Variants in PRKCE observed in about 807,000 individuals in gnomAD.
The protein encoded by PRKCE is protein kinase C epsilon, also known as protein kinase C epsilon type.
In PRKCE, 16 loss-of-function variants were observed where a neutral mutation model predicts 85.4. That is an observed-to-expected ratio of 0.19 (90% CI 0.13 to 0.28). PRKCE has a LOEUF of 0.28. Ranked by LOEUF, PRKCE falls within the 10% of genes least tolerant of loss-of-function variation. PRKCE has a pLI of 1.00. For missense variants in PRKCE, 573 were observed against 975.2 expected, an observed-to-expected ratio of 0.59 and a Z score of 5.49; for synonymous variants, 388 against 371.5, an observed-to-expected ratio of 1.04 and a Z score of -0.51.
chr2:45,800,176 G>A (rs1478280772), intron 1 of PRKCE, among the ~76,000 whole-genome samples: 1 of 152,254 alleles, frequency 6.6e-6, no homozygotes, highest in Non-Finnish European at 1.5e-5. Context: ...GTGTGTTAAA[G>A]CAAAGGCATG....
At chr2:46,078,345 G>C (rs376916465) in intron 10 of PRKCE, 1 of 149,954 alleles carries the variant, frequency 6.7e-6, no homozygotes, top group African/African-American at 2.5e-5. Context: ...AAACCAACCC[G>C]GGCAACATAG....
intron 10 of PRKCE, among the ~76,000 whole-genome samples, chr2:46,016,213 G>A (rs111519517): frequency 3.0e-4 from 46 of 152,294 alleles, no homozygotes; most frequent in African/African-American, 1.1e-3. Context: ...CACCTATGGT[G>A]TGCAAATCAC....
chr2:46,168,149 T>C (rs1320136258), intron 14 of PRKCE, among the ~76,000 whole-genome samples: 1 of 152,116 alleles, frequency 6.6e-6, no homozygotes, highest in African/African-American at 2.4e-5. Flanking sequence ...GGGAAGAGTG[T>C]GAGGCCTGGG....
At chr2:45,953,104 CCCCGGATTA>C (rs1463957019) in intron 2 of PRKCE, among the ~76,000 whole-genome samples, 2 of 152,164 alleles carry the variant, frequency 1.3e-5, no homozygotes, top group Non-Finnish European at 2.9e-5. Context: ...TTAGCATTTG[CCCCGGATTA>C]CCTGGGAGGT....
rs960514872 is a variant in PRKCE, at chr2:45,883,655, G to C, written c.412+40592G>C. Among the ~76,000 whole-genome samples, 4 of 152,158 alleles carry C rather than the reference G, an allele frequency of 2.6e-5. No homozygotes were observed. The East Asian group carries it at 7.7e-4, about 29-fold the overall frequency. ...TTTATCATGCCTGTGTGGAGAGTGAGTCTGCACAACTACCATGCCATGCTA... is the reference window on the plus strand; with the variant it reads ...TTTATCATGCCTGTGTGGAGAGTGACTCTGCACAACTACCATGCCATGCTA... On this transcript the variant is annotated intron_variant, in intron 2 of 14. Transcript: ENST00000306156.
chr2:45,983,146 C>T (rs1400342602), intron 5 of PRKCE, among the ~76,000 whole-genome samples: 1 of 152,232 alleles, frequency 6.6e-6, no homozygotes, highest in African/African-American at 2.4e-5. Flanking sequence ...GGTAGACCAT[C>T]CATTTCAGTA....
intron 1 of PRKCE, among the ~76,000 whole-genome samples, chr2:45,695,004 C>T (rs10187179): frequency 0.11 from 16,019 of 152,178 alleles, 941 homozygotes; most frequent in East Asian, 0.14. Flanking sequence ...GAGCCAACTG[C>T]CTCATGTAAG....
At chr2:45,787,524 T>C (rs1440693137) in intron 1 of PRKCE, among the ~76,000 whole-genome samples, 2 of 152,126 alleles carry the variant, frequency 1.3e-5, no homozygotes, top group Non-Finnish European at 2.9e-5. Flanking sequence ...GCAGGTCTTT[T>C]CCAGATGGTT....
At chr2:45,869,833 G>T (rs576663374) in intron 2 of PRKCE, among the ~76,000 whole-genome samples, 1 of 149,858 alleles carries the variant, frequency 6.7e-6, no homozygotes, top group Non-Finnish European at 1.5e-5. Context: ...TCAGCCTCCC[G>T]AGTAGCTGGG....
intron 14 of PRKCE, among the ~76,000 whole-genome samples, chr2:46,163,091 G>C (rs1677937652): frequency 6.6e-6 from 1 of 152,250 alleles, no homozygotes; most frequent in Non-Finnish European, 1.5e-5. Context: ...AACCAACTCA[G>C]GGTTGACCCC....
intron 10 of PRKCE, among the ~76,000 whole-genome samples, chr2:46,028,585 T>C (rs1367760728): frequency 1.3e-5 from 2 of 152,194 alleles, no homozygotes; most frequent in African/African-American, 2.4e-5. Context: ...AATAACAGCT[T>C]TCCTTGCTGC....
chr2:45,858,528 A>G (rs1471855374), intron 2 of PRKCE, among the ~76,000 whole-genome samples: 4 of 152,130 alleles, frequency 2.6e-5, no homozygotes, highest in African/African-American at 4.8e-5. Flanking sequence ...ATATGTCCCT[A>G]TGATCCAGCT....
At chr2:45,805,682 C>T (rs140796162) in intron 1 of PRKCE, among the ~76,000 whole-genome samples, 7 of 151,464 alleles carry the variant, frequency 4.6e-5, no homozygotes, top group Admixed American at 6.6e-5. Flanking sequence ...CTGCAACCTC[C>T]GCCTCCCGGG....
At chr2:45,794,439 C>A (rs1354037354) in intron 1 of PRKCE, among the ~76,000 whole-genome samples, 1 of 152,096 alleles carries the variant, frequency 6.6e-6, no homozygotes, top group Non-Finnish European at 1.5e-5. Context: ...TGAGTACTTT[C>A]TTATCTTTCA....
Position 45,859,651 on chromosome 2 carries a change from C to G in PRKCE, c.412+16588C>G, listed in dbSNP as rs543062287. Among the ~76,000 whole-genome samples, 21 of 152,246 alleles carry G rather than the reference C, an allele frequency of 1.4e-4. No individual in the cohort carries two copies. The South Asian group carries it at 3.9e-3, about 29-fold the overall frequency. On this transcript the variant is annotated intron_variant, in intron 2 of 14. Transcript: ENST00000306156. The stretch of plus-strand genomic sequence containing the variant: ...TAGTGCATTTTTCTGTTGTTTTTGT[C>G]TATTTCTTAGTGCTTCAGAGGCAGT...
At position 46,043,413 on chromosome 2, in the gene PRKCE, AT is replaced by A. The variant is rs370515107; in HGVS notation, c.1437+32904del. ...AGTCACACATACAGTAACTATTTCA[AT>A]TTTTTTTAAGTAACATTTGAAATAC... On this transcript the variant is annotated intron_variant, in intron 10 of 14. Coordinates refer to ENST00000306156, the MANE Select transcript of PRKCE (RefSeq NM_005400.3). 4.2e-4 allele frequency among the ~76,000 whole-genome samples: 64 copies of A among 152,178 alleles called. No homozygotes were observed. In the East Asian group the frequency reaches 0.011, roughly 26 times the overall value.
At chr2:46,003,997 A>C (rs6730425) in intron 7 of PRKCE, 34,288 of 156,856 alleles carry the variant, frequency 0.22, 4,156 homozygotes, top group African/African-American at 0.31. Flanking sequence ...CTCTTTTCCT[A>C]CTTGGTGAGA....
chr2:45,776,044 C>T (rs982618887), intron 1 of PRKCE, among the ~76,000 whole-genome samples: 14 of 152,190 alleles, frequency 9.2e-5, no homozygotes, highest in African/African-American at 3.4e-4. Flanking sequence ...CTTAAAACCG[C>T]AATGCCCTTC....
At chr2:45,911,446 G>A (rs1158355143) in intron 2 of PRKCE, among the ~76,000 whole-genome samples, 2 of 152,240 alleles carry the variant, frequency 1.3e-5, no homozygotes, top group African/African-American at 4.8e-5. Flanking sequence ...AATCCCAGAT[G>A]TGGCTTGAAG....
Sources: gnomAD v4.1 joint callset for allele counts (sites outside exome capture counted in the v4.1 genomes callset) on GRCh38, gnomAD v4.1.1 for gene constraint, MANE v1.5 for transcripts, NCBI Gene and HGNC (gene_info 2026-07-23, HGNC 2026-07-21) for gene names.